FAM47E: variants seen among roughly 807,000 people sequenced by gnomAD.
FAM47E encodes the protein protein FAM47E.
In FAM47E, 32 loss-of-function variants were observed where a neutral mutation model predicts 41.6. The ratio of observed to expected loss-of-function variants is 0.77; its 90% CI spans 0.58 to 1.03. FAM47E has a LOEUF of 1.03. FAM47E is among the 50% of genes least tolerant of loss of function. FAM47E has a pLI of 0.00. For missense variants in FAM47E, 424 were observed against 485.4 expected (o/e 0.87, Z 1.19); for synonymous variants, 184 against 188.7 (o/e 0.98, Z 0.20).
At position 76,239,873 on chromosome 4, in the gene FAM47E, A is replaced by G. The variant is rs577999510; in HGVS notation, c.81+22185A>G. ...GTTTTATAGTTTTAGTTCTTACATT[A>G]GGTTATGGATCTAGTCTGCATTAAT... On this transcript the variant is annotated intron_variant, in intron 2 of 7. Transcript: ENST00000510197. Among the ~76,000 whole-genome samples the G allele has an allele frequency of 5.3e-5, 8 of 152,254 alleles. No individual in the cohort carries two copies. In the East Asian group the frequency reaches 1.4e-3, roughly 26 times the overall value.
At chr4:76,230,784 A>G (rs1214141093) in intron 2 of FAM47E, among the ~76,000 whole-genome samples, 6 of 152,106 alleles carry the variant, frequency 3.9e-5, no homozygotes, top group Non-Finnish European at 7.4e-5. Flanking sequence ...AAAATCTGCC[A>G]TTCTTACCCA....
At chr4:76,279,112 G>A (rs2110028714) in intron 6 of FAM47E, 1 of 152,250 alleles carries the variant, frequency 6.6e-6, no homozygotes, top group South Asian at 2.1e-4. Flanking sequence ...ATTTTCAGGT[G>A]TGAGGTATGA....
At chr4:76,216,771 C>T (rs1029021584) in intron 1 of FAM47E, among the ~76,000 whole-genome samples, 5 of 152,180 alleles carry the variant, frequency 3.3e-5, no homozygotes, top group African/African-American at 1.2e-4. Flanking sequence ...TTTCTTGGTT[C>T]TTCTTAACAC....
chr4:76,282,575 A>G (rs1371881590), intron 7 of FAM47E: 1 of 152,112 alleles, frequency 6.6e-6, no homozygotes, highest in African/African-American at 2.4e-5. Flanking sequence ...TCTTTACACA[A>G]TCCTGCATGC....
At chr4:76,282,035 CATAACATTT>C (rs1489800164) in intron 7 of FAM47E, 105 of 151,202 alleles carry the variant, frequency 6.9e-4, no homozygotes, top group Non-Finnish European at 1.2e-3. Context: ...AATTCTTTAA[CATAACATTT>C]GTATGTAGAA....
intron 2 of FAM47E, among the ~76,000 whole-genome samples, chr4:76,260,892 G>A (rs1452793602): frequency 6.6e-6 from 1 of 151,924 alleles, no homozygotes; most frequent in African/African-American, 2.4e-5. Context: ...TTAAAAAGTA[G>A]GCAAAGCCAT....
chr4:76,248,717 TTGA>T (rs1380277611), upstream of FAM47E, among the ~76,000 whole-genome samples: 5 of 152,180 alleles, frequency 3.3e-5, no homozygotes, highest in African/African-American at 1.2e-4. Context: ...TCATCACAAG[TTGA>T]TAATTGCTCT....
chr4:76,249,007 G>T (rs1454611891), upstream of FAM47E, among the ~76,000 whole-genome samples: 6 of 152,078 alleles, frequency 3.9e-5, no homozygotes, highest in Non-Finnish European at 7.4e-5. Context: ...AGAAAAACAA[G>T]CATTTGAATA....
At chr4:76,223,927 C>A (rs1733351210) in intron 2 of FAM47E, among the ~76,000 whole-genome samples, 1 of 152,142 alleles carries the variant, frequency 6.6e-6, no homozygotes. Context: ...GCTACCCTAT[C>A]CCTGAGCGAT....
intron 5 of FAM47E, among the ~76,000 whole-genome samples, chr4:76,277,256 G>A (rs924884958): frequency 9.9e-5 from 15 of 152,242 alleles, no homozygotes; most frequent in Admixed American, 4.6e-4. Flanking sequence ...AGGCCGAGGC[G>A]GGCGGATCAC....
intron 5 of FAM47E, 74 bp from the exon 6 acceptor site, chr4:76,277,995 G>A: frequency 2.8e-6 from 4 of 1,410,482 alleles, no homozygotes; most frequent in Non-Finnish European, 3.7e-6. Context: ...GCTCTCCTAA[G>A]CTAAGCTTTA....
chr4:76,227,841 T>G (rs1733424796), intron 2 of FAM47E, among the ~76,000 whole-genome samples: 1 of 152,214 alleles, frequency 6.6e-6, no homozygotes, highest in South Asian at 2.1e-4. Flanking sequence ...GATATAAGAA[T>G]AGCTATTCCT....
At chr4:76,272,936 C>T (rs574595924) in intron 5 of FAM47E, among the ~76,000 whole-genome samples, 23 of 152,174 alleles carry the variant, frequency 1.5e-4, no homozygotes, top group Middle Eastern at 6.8e-3. Flanking sequence ...ACATTTCTTC[C>T]AGGGTGGATC....
At chr4:76,263,989 G>A (rs1734525575) in intron 3 of FAM47E, 146 bp downstream of exon 3, 2 of 1,265,776 alleles carry the variant, frequency 1.6e-6, no homozygotes. Context: ...GGAGTCCTAG[G>A]TACCGCTCTA....
intron 4 of FAM47E, 47 bp from the exon 5 acceptor site, chr4:76,271,521 G>A: frequency 6.5e-7 from 1 of 1,544,626 alleles, no homozygotes; most frequent in Non-Finnish European, 8.8e-7. Flanking sequence ...AAAGCAAAGA[G>A]CATTTCACCG....
At chr4:76,273,710 T>A (rs1734985273) in intron 5 of FAM47E, among the ~76,000 whole-genome samples, 1 of 152,104 alleles carries the variant, frequency 6.6e-6, no homozygotes, top group South Asian at 2.1e-4. Flanking sequence ...CAAACTTTTT[T>A]TTTGTTGTTT....
At chr4:76,278,547 G>T in intron 6 of FAM47E, 1 of 363,882 alleles carries the variant, frequency 2.7e-6, no homozygotes, top group East Asian at 4.1e-5. Context: ...CCACCTCAGT[G>T]CCCAGAATAG....
rs1337423029 is a variant in FAM47E at position 76,278,103 on chromosome 4, A to G, written c.905A>G (p.Tyr302Cys). ...PYKPKWVKMR[Y>C]GAWYLNPKLW... ...AAGCCAAAGTGGGTGAAGATGAGGT[A>G]TGGAGCATGGTATTTGAACCCCAAG... The change falls in exon 6 of 8, where the codon TAT becomes TGT. Residue 302 changes from tyrosine (Y) to cysteine (C), a missense_variant. By Grantham distance (194) the Tyr-to-Cys change is radical. Coordinates refer to ENST00000424749, the MANE Select transcript of FAM47E (RefSeq NM_001136570.3). 1.3e-6 allele frequency: 2 copies of G among 1,548,756 alleles called. No individual in the cohort carries two copies. The highest frequency in any genetic ancestry group is 2.4e-5 in the East Asian group (1 of 40,852).
intron 2 of FAM47E, among the ~76,000 whole-genome samples, chr4:76,224,297 A>G (rs936646686): frequency 6.6e-6 from 1 of 152,210 alleles, no homozygotes; most frequent in African/African-American, 2.4e-5. Flanking sequence ...CGAAGGAAAA[A>G]TAAAACTTCT....
Sources: allele counts gnomAD v4.1 joint callset (sites outside exome capture counted in the v4.1 genomes callset), GRCh38; gene constraint gnomAD v4.1.1; transcripts MANE v1.5; gene names NCBI Gene and HGNC (gene_info 2026-07-23, HGNC 2026-07-21).